The following GRM8 variants were observed in gnomAD, a reference collection of about 807,000 sequenced individuals.
GRM8 encodes metabotropic glutamate receptor 8.
Under a neutral mutation model 87.2 loss-of-function variants are expected in GRM8, and 47 were observed. The observed-to-expected ratio is 0.54, with a 90% CI of 0.43 to 0.69. GRM8 has a LOEUF of 0.69. Among genes scored for constraint, GRM8 ranks in the 30% least tolerant of loss-of-function variants. The pLI is 0.00. For missense variants in GRM8, 1,019 were observed against 1,139.2 expected, an observed-to-expected ratio of 0.89 and a Z score of 1.52; for synonymous variants, 396 against 404.5, an observed-to-expected ratio of 0.98 and a Z score of 0.25.
intron 3 of GRM8, among the ~76,000 whole-genome samples, chr7:127,065,469 C>T (rs1821015332): frequency 6.6e-6 from 1 of 152,184 alleles, no homozygotes; most frequent in Non-Finnish European, 1.5e-5. Flanking sequence ...CCCCATGACA[C>T]TTGTTTACCT....
intron 2 of GRM8, among the ~76,000 whole-genome samples, chr7:127,141,652 T>C (rs1828261013): frequency 6.6e-6 from 1 of 152,170 alleles, no homozygotes. Flanking sequence ...GCATAAAATT[T>C]AGGTACAGAT....
intron 3 of GRM8, among the ~76,000 whole-genome samples, chr7:127,014,953 G>C (rs1426901820): frequency 8.1e-6 from 1 of 123,052 alleles, no homozygotes; most frequent in African/African-American, 2.9e-5. Flanking sequence ...GAAAGAGAGA[G>C]AGAAGAAGAA....
chr7:126,567,687 T>C (rs1794351683), intron 8 of GRM8, among the ~76,000 whole-genome samples: 1 of 152,136 alleles, frequency 6.6e-6, no homozygotes, highest in South Asian at 2.1e-4. Context: ...AATAAAAAGA[T>C]ATTTCCCCAT....
chr7:126,655,329 T>A (rs1804392353), intron 7 of GRM8, among the ~76,000 whole-genome samples: 1 of 152,198 alleles, frequency 6.6e-6, no homozygotes, highest in Non-Finnish European at 1.5e-5. Context: ...TTGCATCCCA[T>A]AATCTTTTTA....
chr7:126,957,888 C>A (rs1244707412), intron 3 of GRM8, among the ~76,000 whole-genome samples: 1 of 152,184 alleles, frequency 6.6e-6, no homozygotes, highest in Non-Finnish European at 1.5e-5. Context: ...CAGGTGGAGT[C>A]CGCAGCCAGA....
At chr7:126,485,957 T>C (rs940809954) in intron 9 of GRM8, among the ~76,000 whole-genome samples, 4 of 152,040 alleles carry the variant, frequency 2.6e-5, no homozygotes, top group African/African-American at 9.7e-5. Context: ...CCTAAGGCCA[T>C]GCAAGGCAAG....
At chr7:127,017,219 C>T (rs542299603) in intron 3 of GRM8, among the ~76,000 whole-genome samples, 2 of 152,100 alleles carry the variant, frequency 1.3e-5, no homozygotes, top group South Asian at 4.2e-4. Context: ...AATTCACGAC[C>T]TATTTTAAGT....
At chr7:127,172,135 T>C (rs1793838973) in intron 2 of GRM8, among the ~76,000 whole-genome samples, 1 of 152,210 alleles carries the variant, frequency 6.6e-6, no homozygotes, top group Non-Finnish European at 1.5e-5. Flanking sequence ...GTAGTATTTT[T>C]ATTGGTAAGT....
intron 2 of GRM8, among the ~76,000 whole-genome samples, chr7:127,164,174 C>A (rs184975252): frequency 1.3e-5 from 2 of 152,196 alleles, no homozygotes; most frequent in African/African-American, 4.8e-5. Context: ...TCTGGCCATG[C>A]GATGTGCCTG....
intron 3 of GRM8, among the ~76,000 whole-genome samples, chr7:126,910,697 A>G (rs1383849925): frequency 2.6e-5 from 4 of 152,234 alleles, no homozygotes; most frequent in Non-Finnish European, 4.4e-5. Flanking sequence ...GTAGAGTGGC[A>G]TTAGAATTTC....
intron 9 of GRM8, among the ~76,000 whole-genome samples, chr7:126,514,416 C>T (rs1384543986): frequency 6.6e-6 from 1 of 152,048 alleles, no homozygotes; most frequent in Non-Finnish European, 1.5e-5. Context: ...CATTTAAATC[C>T]CTGTTTTACA....
At chr7:126,452,960 A>G (rs1323057199) in intron 9 of GRM8, among the ~76,000 whole-genome samples, 1 of 151,578 alleles carries the variant, frequency 6.6e-6, no homozygotes, top group Non-Finnish European at 1.5e-5. Flanking sequence ...GTCATTATTT[A>G]ACCTTGACAA....
At chr7:127,175,064 A>G (rs919772798) in intron 2 of GRM8, among the ~76,000 whole-genome samples, 8 of 152,130 alleles carry the variant, frequency 5.3e-5, no homozygotes, top group Non-Finnish European at 8.8e-5. Context: ...ATGCACTAGA[A>G]AGTTTTCCTT....
intron 8 of GRM8, among the ~76,000 whole-genome samples, chr7:126,581,756 T>C (rs61068613): frequency 0.31 from 47,077 of 151,974 alleles, 8,148 homozygotes; most frequent in East Asian, 0.44. Flanking sequence ...GTAATTCTTA[T>C]ATTTCAAGCT....
rs561914192 is a variant in GRM8, at chr7:126,619,622, C to T, written c.1358-10124G>A. ...TATTTTACATGATAAATTATGCTCA[C>T]ATTTTCCTGTTTTATTTCTCTCCAT... On this transcript the variant is annotated intron_variant, in intron 7 of 10. Transcript: ENST00000339582. Among the ~76,000 whole-genome samples the T allele has an allele frequency of 1.6e-4, 24 of 152,254 alleles. No homozygotes were observed. In the East Asian group the frequency reaches 4.6e-3, roughly 29 times the overall value.
At chr7:127,161,878 C>T (rs769120833) in intron 2 of GRM8, among the ~76,000 whole-genome samples, 5 of 152,116 alleles carry the variant, frequency 3.3e-5, no homozygotes, top group Non-Finnish European at 7.4e-5. Flanking sequence ...TTAAGGATCA[C>T]TGATTATACG....
chr7:127,053,809 A>T lies in GRM8; in HGVS notation c.727+52687T>A, dbSNP rs2402850. On this transcript the variant is annotated intron_variant, in intron 3 of 10. Transcript: ENST00000339582. ...TCTCAAAAAAAAAAAGGGGGGGGGG[A>T]ATATACATTTCATCTTGGTTATTAT... 3.9e-5 allele frequency among the ~76,000 whole-genome samples: 4 copies of T among 102,934 alleles called. No individual in the cohort carries two copies. The South Asian group carries it at 1.2e-3, about 32-fold the overall frequency. 67.5% of individuals were successfully genotyped at this position (102,934 alleles called of 152,430 possible). A position where few individuals can be genotyped will look rare whatever the true frequency, so the allele number is the denominator to read the frequency against.
chr7:126,468,248 G>C (rs942568950), intron 9 of GRM8, among the ~76,000 whole-genome samples: 1 of 100,572 alleles, frequency 9.9e-6, no homozygotes, highest in African/African-American at 4.1e-5. Context: ...AAAAGACAGT[G>C]TACCATTGAC....
At chr7:127,186,778 A>C (rs1277970696) in intron 2 of GRM8, among the ~76,000 whole-genome samples, 1 of 152,210 alleles carries the variant, frequency 6.6e-6, no homozygotes, top group Admixed American at 6.5e-5. Context: ...TAGTGTAAAT[A>C]GGATGCACCT....
Sources: allele counts gnomAD v4.1 joint callset (sites outside exome capture counted in the v4.1 genomes callset), GRCh38; gene constraint gnomAD v4.1.1; transcripts MANE v1.5; gene names NCBI Gene and HGNC (gene_info 2026-07-23, HGNC 2026-07-21).